GABRA1: variants seen among roughly 807,000 people sequenced by gnomAD.
GABRA1 encodes gamma-aminobutyric acid type A receptor subunit alpha1, also known as gamma-aminobutyric acid receptor subunit alpha-1.
GABRA1 carries 9 observed loss-of-function variants against 48.9 expected under a neutral mutation model. The ratio of observed to expected loss-of-function variants is 0.18; its 90% CI spans 0.11 to 0.32. GABRA1 has a LOEUF of 0.32. Ranked by LOEUF, GABRA1 falls within the 10% of genes least tolerant of loss-of-function variation. GABRA1 has a pLI of 1.00. For missense variants in GABRA1, 285 were observed against 553.8 expected (o/e 0.51, Z 4.87); for synonymous variants, 210 against 198.7 (o/e 1.06, Z -0.48).
chr5:161,864,426 A>G (rs1245203345), intron 3 of GABRA1, among the ~76,000 whole-genome samples: 3 of 152,066 alleles, frequency 2.0e-5, no homozygotes, highest in Non-Finnish European at 2.9e-5. Flanking sequence ...CATTATGTGT[A>G]GGGTATAACA....
chr5:161,848,558 A>AGAGC lies in GABRA1; in HGVS notation c.-16+149_-16+152dup, dbSNP rs200619744. On this transcript the variant is annotated intron_variant, in intron 1 of 9. Coordinates refer to ENST00000393943, the MANE Select transcript of GABRA1 (RefSeq NM_001127644.2). ...GGAGAGAGAGAGAGAGAGAAGAAGG[A>AGAGC]GAGCGAGCGAGCGAGCAAGGGAGCG... The AGAGC allele has an allele frequency of 0.042, 5,800 of 139,010 alleles. 551 individuals are homozygous for AGAGC. Among genetic ancestry groups the AGAGC allele is most frequent in the African/African-American group, 0.16 (5,354 of 33,362 alleles). 8.6% of individuals were successfully genotyped at this position (139,010 alleles called of 1,614,324 possible).
chr5:161,851,002 C>A, intron 2 of GABRA1, 118 bp downstream of exon 2: 1 of 816,710 alleles, frequency 1.2e-6, no homozygotes, highest in Non-Finnish European at 2.1e-6. Flanking sequence ...GAAAACTTAA[C>A]TGCAATAATT....
At chr5:161,879,275 A>C (rs1338571865) in intron 6 of GABRA1, among the ~76,000 whole-genome samples, 1 of 152,072 alleles carries the variant, frequency 6.6e-6, no homozygotes, top group Non-Finnish European at 1.5e-5. Flanking sequence ...CACCTGGCTA[A>C]TTTTCAAATA....
chr5:161,866,766 ATTCT>A (rs1753878027), intron 4 of GABRA1, among the ~76,000 whole-genome samples: 2 of 152,128 alleles, frequency 1.3e-5, no homozygotes, highest in Non-Finnish European at 2.9e-5. Flanking sequence ...TAGAACTAAT[ATTCT>A]GTGAAGTGAA....
intron 4 of GABRA1, among the ~76,000 whole-genome samples, chr5:161,871,132 T>C (rs893784865): frequency 6.6e-6 from 1 of 152,146 alleles, no homozygotes; most frequent in Non-Finnish European, 1.5e-5. Flanking sequence ...TGACATAATT[T>C]TTTGAAATTA....
chr5:161,881,303 A>G (rs1039403932), intron 6 of GABRA1, among the ~76,000 whole-genome samples: 1 of 152,274 alleles, frequency 6.6e-6, no homozygotes, highest in African/African-American at 2.4e-5. Context: ...AGTACGTACT[A>G]TCATTCCAAC....
intron 2 of GABRA1, chr5:161,853,850 A>G (rs1757542329): frequency 4.8e-6 from 1 of 206,892 alleles, no homozygotes; most frequent in Admixed American, 5.7e-5. Flanking sequence ...TTTTATGTGC[A>G]TTAGCATTCT....
intron 7 of GABRA1, among the ~76,000 whole-genome samples, chr5:161,885,293 T>G (rs577293071): frequency 6.6e-6 from 1 of 152,260 alleles, no homozygotes; most frequent in South Asian, 2.1e-4. Context: ...GTGTAAGGTC[T>G]GCAATGCTGT....
intron 3 of GABRA1, among the ~76,000 whole-genome samples, chr5:161,858,778 CCT>C (rs951845119): frequency 1.3e-5 from 2 of 151,686 alleles, no homozygotes; most frequent in African/African-American, 2.4e-5. Flanking sequence ...ACCTTTTCAT[CCT>C]CTCTCTCCCT....
At chr5:161,863,918 T>C (rs1581188385) in intron 3 of GABRA1, among the ~76,000 whole-genome samples, 2 of 151,980 alleles carry the variant, frequency 1.3e-5, no homozygotes, top group African/African-American at 4.8e-5. Flanking sequence ...GACATTAGGA[T>C]GTTAATGTTT....
intron 3 of GABRA1, among the ~76,000 whole-genome samples, chr5:161,864,174 A>T (rs1426590656): frequency 3.3e-5 from 5 of 152,028 alleles, no homozygotes; most frequent in African/African-American, 1.2e-4. Flanking sequence ...CAAGGGGCTC[A>T]TTTAAGCAGT....
At chr5:161,854,371 CAT>C (rs1395862023) in intron 3 of GABRA1, 101 bp downstream of exon 3, 7 of 745,252 alleles carry the variant, frequency 9.4e-6, no homozygotes, top group Admixed American at 1.9e-5. Flanking sequence ...AAAATGGTGA[CAT>C]GTAATTTAAT....
chr5:161,855,109 A>C (rs900998487), intron 3 of GABRA1, among the ~76,000 whole-genome samples: 3 of 151,604 alleles, frequency 2.0e-5, no homozygotes, highest in African/African-American at 7.2e-5. Flanking sequence ...TATAGCTGAT[A>C]CTGAACCTTT....
chr5:161,896,213 G>A (rs546302456), intron 9 of GABRA1, among the ~76,000 whole-genome samples: 101 of 152,198 alleles, frequency 6.6e-4, no homozygotes, highest in Non-Finnish European at 1.2e-3. Flanking sequence ...TACCAAGTGC[G>A]TTATAATTTT....
chr5:161,875,361 C>A (rs903938575), intron 5 of GABRA1, among the ~76,000 whole-genome samples, 199 bp from the exon 6 acceptor site: 15 of 152,098 alleles, frequency 9.9e-5, no homozygotes, highest in African/African-American at 3.4e-4. Flanking sequence ...TTTCTTAAAG[C>A]AAACAAACAA....
intron 6 of GABRA1, chr5:161,881,736 A>C (rs1754621277): frequency 6.6e-6 from 1 of 152,148 alleles, no homozygotes; most frequent in Non-Finnish European, 1.5e-5. Context: ...CTCTAGTCAA[A>C]CTGGTCTTCC....
chr5:161,870,959 TG>T (rs1754091682), intron 4 of GABRA1, among the ~76,000 whole-genome samples: 1 of 69,924 alleles, frequency 1.4e-5, no homozygotes, highest in Non-Finnish European at 4.8e-5. Context: ...TGTGTGTGTG[TG>T]TGTGTGTGTG....
intron 8 of GABRA1, 55 bp downstream of exon 8, chr5:161,891,105 C>T: frequency 6.7e-7 from 1 of 1,498,818 alleles, no homozygotes; most frequent in Non-Finnish European, 9.3e-7. Flanking sequence ...CAAGTTATGT[C>T]ATATCTGTGA....
At chr5:161,881,593 G>A (rs1754616122) in intron 6 of GABRA1, 1 of 152,114 alleles carries the variant, frequency 6.6e-6, no homozygotes, top group Non-Finnish European at 1.5e-5. Context: ...CTTGCTAATG[G>A]ACATGCAGCA....
Sources: allele counts gnomAD v4.1 joint callset (sites outside exome capture counted in the v4.1 genomes callset), GRCh38; gene constraint gnomAD v4.1.1; transcripts MANE v1.5; gene names NCBI Gene and HGNC (gene_info 2026-07-23, HGNC 2026-07-21).